The following TENM3 variants were observed in gnomAD, a reference collection of about 807,000 sequenced individuals.
TENM3 encodes the protein teneurin-3.
In TENM3, 63 loss-of-function variants were observed where a neutral mutation model predicts 255.1. The observed-to-expected ratio is 0.25, with a 90% confidence interval of 0.20 to 0.30. The LOEUF is 0.30. Among genes scored for constraint, TENM3 ranks in the 10% least tolerant of loss-of-function variants. The pLI is 1.00. For synonymous variants in TENM3, 1,306 were observed against 1,322.3 expected, an observed-to-expected ratio of 0.99 and a Z score of 0.27; for missense variants, 2,929 against 3,461.1, an observed-to-expected ratio of 0.85 and a Z score of 3.86.
intron 24 of TENM3, among the ~76,000 whole-genome samples, 162 bp from the exon 25 acceptor site, chr4:182,788,929 TAA>T (rs1164700295): frequency 6.6e-6 from 1 of 152,228 alleles, no homozygotes; most frequent in Non-Finnish European, 1.5e-5. Context: ...TAAAACATTT[TAA>T]AAGAGCAGTT....
intron 16 of TENM3, among the ~76,000 whole-genome samples, chr4:182,732,265 G>A (rs1456672470): frequency 2.0e-5 from 3 of 152,076 alleles, no homozygotes; most frequent in Non-Finnish European, 4.4e-5. Context: ...CAGCTTGACT[G>A]ACATTGTACC....
At chr4:181,480,239 T>C in the TENM3 span, among the ~76,000 whole-genome samples, 1 of 152,274 alleles carries the variant, frequency 6.6e-6, no homozygotes, top group East Asian at 1.9e-4. Context: ...CATGTTTTAT[T>C]CATTCAGATT....
At chr4:182,088,317 G>T in the TENM3 span, among the ~76,000 whole-genome samples, 4 of 152,158 alleles carry the variant, frequency 2.6e-5, no homozygotes, top group African/African-American at 9.6e-5. Flanking sequence ...GGAGCATGTA[G>T]GTCATCTGAT....
At chr4:181,496,593 C>A in the TENM3 span, among the ~76,000 whole-genome samples, 2 of 152,098 alleles carry the variant, frequency 1.3e-5, no homozygotes, top group African/African-American at 4.8e-5. Flanking sequence ...TTTAAATGCT[C>A]CTTTTTAAAA....
chr4:182,760,431 C>T (rs1320008334), intron 22 of TENM3, among the ~76,000 whole-genome samples: 1 of 152,160 alleles, frequency 6.6e-6, no homozygotes, highest in Non-Finnish European at 1.5e-5. Flanking sequence ...TGCTTACCCA[C>T]ATCAAATACA....
chr4:181,613,414 A>G, the TENM3 span, among the ~76,000 whole-genome samples: 8 of 152,212 alleles, frequency 5.3e-5, no homozygotes, highest in African/African-American at 1.4e-4. Context: ...CTTGGCTGTC[A>G]GTTCCAGGCC....
At chr4:181,904,019 T>C in the TENM3 span, among the ~76,000 whole-genome samples, 1 of 152,314 alleles carries the variant, frequency 6.6e-6, no homozygotes, top group East Asian at 1.9e-4. Context: ...TAACTGTCCA[T>C]TCAACATCTC....
the TENM3 span, among the ~76,000 whole-genome samples, chr4:182,005,922 A>G: frequency 6.6e-5 from 10 of 152,126 alleles, no homozygotes; most frequent in Middle Eastern, 3.2e-3. Context: ...TTGATTTTGT[A>G]TCCGGAGACT....
the TENM3 span, among the ~76,000 whole-genome samples, chr4:181,752,941 G>A: frequency 6.6e-6 from 1 of 152,092 alleles, no homozygotes; most frequent in African/African-American, 2.4e-5. Flanking sequence ...ACCTTTACCT[G>A]CTGTCACTCA....
intron 3 of TENM3, among the ~76,000 whole-genome samples, chr4:182,527,792 A>G (rs983875258): frequency 3.9e-4 from 60 of 152,222 alleles, no homozygotes; most frequent in African/African-American, 1.4e-3. Flanking sequence ...CAGCGGCACA[A>G]TCTCGGCTCA....
chr4:182,148,128 CCTT>C (rs1309988198), intron 1 of TENM3, among the ~76,000 whole-genome samples: 4 of 152,042 alleles, frequency 2.6e-5, no homozygotes, highest in African/African-American at 4.8e-5. Context: ...ATGAAGCTCT[CCTT>C]CTAATTGAGA....
intron 3 of TENM3, among the ~76,000 whole-genome samples, chr4:182,462,735 A>C (rs1057311048): frequency 2.6e-5 from 4 of 151,802 alleles, no homozygotes; most frequent in Admixed American, 2.0e-4. Context: ...AAAAATACAA[A>C]AATTAGCTGG....
At chr4:182,184,278 T>C (rs1210300819) in intron 1 of TENM3, among the ~76,000 whole-genome samples, 1 of 152,092 alleles carries the variant, frequency 6.6e-6, no homozygotes, top group Admixed American at 6.6e-5. Context: ...AATCCTTTTA[T>C]TGAGTACGCA....
At chr4:181,794,613 C>T in the TENM3 span, among the ~76,000 whole-genome samples, 1 of 149,444 alleles carries the variant, frequency 6.7e-6, no homozygotes, top group African/African-American at 2.5e-5. Flanking sequence ...CAAATAATGG[C>T]ATTTCCTTCT....
the TENM3 span, among the ~76,000 whole-genome samples, chr4:181,706,734 A>G: frequency 6.6e-6 from 1 of 152,216 alleles, no homozygotes; most frequent in East Asian, 1.9e-4. Context: ...CTCCTCTGCT[A>G]TCTGAGACCT....
chr4:182,741,116 C>G (rs978097989), intron 18 of TENM3, among the ~76,000 whole-genome samples: 4 of 152,148 alleles, frequency 2.6e-5, no homozygotes, highest in African/African-American at 7.2e-5. Context: ...ACGGAGGTTG[C>G]AGTGAGCCAA....
chr4:181,792,665 T>G, the TENM3 span, among the ~76,000 whole-genome samples: 2 of 152,226 alleles, frequency 1.3e-5, no homozygotes, highest in Non-Finnish European at 2.9e-5. Flanking sequence ...TAACATCTAT[T>G]TATTTTAGAC....
intron 1 of TENM3, among the ~76,000 whole-genome samples, chr4:182,253,263 G>T (rs1010893050): frequency 6.6e-6 from 1 of 152,130 alleles, no homozygotes; most frequent in Non-Finnish European, 1.5e-5. Flanking sequence ...CCTGAGGTCA[G>T]GAGTTTGAGA....
intron 15 of TENM3, among the ~76,000 whole-genome samples, chr4:182,730,572 T>C (rs948549807): frequency 8.5e-5 from 13 of 152,202 alleles, no homozygotes; most frequent in Non-Finnish European, 1.6e-4. Context: ...TCTCAGCAGA[T>C]GTATGTTGAA....
Sources: gnomAD v4.1 joint callset for allele counts (sites outside exome capture counted in the v4.1 genomes callset) on GRCh38, gnomAD v4.1.1 for gene constraint, MANE v1.5 for transcripts, NCBI Gene and HGNC (gene_info 2026-07-23, HGNC 2026-07-21) for gene names.